The following PRRC2C variants were observed in gnomAD, a reference collection of about 807,000 sequenced individuals.
PRRC2C encodes proline rich coiled-coil 2C, also known as protein PRRC2C.
A neutral mutation model predicts 317.2 loss-of-function variants in PRRC2C; 72 were observed. The observed-to-expected ratio is 0.23, with a 90% confidence interval of 0.19 to 0.28. PRRC2C has a LOEUF of 0.28. PRRC2C is among the 10% of genes least tolerant of loss of function. The pLI, the probability that PRRC2C is intolerant of heterozygous loss-of-function variation, is 1.00. For missense variants in PRRC2C, 3,074 were observed against 3,459.7 expected, an observed-to-expected ratio of 0.89 and a Z score of 2.80; for synonymous variants, 1,296 against 1,205.9, an observed-to-expected ratio of 1.07 and a Z score of -1.55.
intron 10 of PRRC2C, among the ~76,000 whole-genome samples, chr1:171,527,539 T>G (rs918366656): frequency 6.6e-6 from 1 of 150,864 alleles, no homozygotes; most frequent in African/African-American, 2.4e-5. Flanking sequence ...GGCAGATCAC[T>G]TGACATCAGG....
chr1:171,566,787 A>G lies in PRRC2C; in HGVS notation c.6502A>G (p.Thr2168Ala), dbSNP rs114645561. ...KETKAVSEMS[T>A]EIGTMISVSS... ...GACTAAAGCAGTCTCAGAAATGTCT[A>G]CTGAAATAGGAACAATGATCTCGGT... The change falls in exon 22 of 35, where the codon ACT becomes GCT. Residue 2168 changes from threonine (T) to alanine (A), a missense_variant. Thr to Ala is a moderately conservative substitution (Grantham distance 58). Transcript: ENST00000647382. 3.3e-3 allele frequency: 5,289 copies of G among 1,613,860 alleles called. 33 individuals are homozygous for G. The highest frequency in any genetic ancestry group is 2.6e-3 in the Non-Finnish European group (3,124 of 1,179,836).
At chr1:171,491,108 C>T (rs564304740) in intron 1 of PRRC2C, among the ~76,000 whole-genome samples, 13 of 151,686 alleles carry the variant, frequency 8.6e-5, no homozygotes, top group Admixed American at 5.3e-4. Context: ...AAGAGAACCA[C>T]GAAAAGGGAA....
At chr1:171,545,356 GTTAAGAGT>G in intron 16 of PRRC2C, 115 bp from the exon 17 acceptor site, 1 of 795,372 alleles carries the variant, frequency 1.3e-6, no homozygotes, top group Non-Finnish European at 1.9e-6. Flanking sequence ...TTTGGTTACA[GTTAAGAGT>G]TTTCTATCCC....
At position 171,545,510 on chromosome 1, in the gene PRRC2C, G is replaced by A; in HGVS notation, c.4795G>A (p.Gly1599Arg). The A allele has an allele frequency of 6.3e-7, 1 of 1,580,182 alleles. No individual in the cohort carries two copies. The highest frequency in any genetic ancestry group is 8.6e-7 in the Non-Finnish European group (1 of 1,162,592). ...TGATGACCAGCCTGCAGGCACAACT[G>A]GGGTTGACCTCATCAATGGCAGCTC... Reference protein sequence around the residue: ...PFDDQPAGTTGVDLINGSSAH... With the variant: ...PFDDQPAGTTRVDLINGSSAH... Residue 1599 changes from glycine (G) to arginine (R), a missense_variant, in exon 17 of 35, where the codon GGG (glycine) becomes AGG (arginine). By Grantham distance (125) the Gly-to-Arg change is moderately radical (BLOSUM62 -2). Transcript: ENST00000647382.
chr1:171,528,584 C>T (rs1012157230), intron 11 of PRRC2C, among the ~76,000 whole-genome samples: 2 of 152,198 alleles, frequency 1.3e-5, no homozygotes, highest in African/African-American at 4.8e-5. Context: ...AGCCACCGCG[C>T]CCGGCCAATG....
At chr1:171,575,287 A>T (rs1685512014) in intron 25 of PRRC2C, among the ~76,000 whole-genome samples, 159 bp downstream of exon 25, 1 of 152,164 alleles carries the variant, frequency 6.6e-6, no homozygotes, top group East Asian at 1.9e-4. Context: ...GAGCCACCAC[A>T]TGTGGCCAGT....
intron 18 of PRRC2C, among the ~76,000 whole-genome samples, chr1:171,551,898 T>G (rs1680317744): frequency 6.6e-6 from 1 of 152,250 alleles, no homozygotes; most frequent in African/African-American, 2.4e-5. Context: ...GGTAGCATGA[T>G]GCCTCCAGCT....
intron 24 of PRRC2C, among the ~76,000 whole-genome samples, chr1:171,573,413 C>T (rs1294615199): frequency 6.6e-6 from 1 of 152,044 alleles, no homozygotes; most frequent in African/African-American, 2.4e-5. Flanking sequence ...TGCCGTAAAC[C>T]ACAAAATCTC....
chr1:171,588,709 C>T (rs1361920547), intron 33 of PRRC2C, among the ~76,000 whole-genome samples: 1 of 152,116 alleles, frequency 6.6e-6, no homozygotes, highest in Non-Finnish European at 1.5e-5. Flanking sequence ...CTAAAGCAGA[C>T]AAGAGAAATA....
chr1:171,527,188 A>G (rs1320911534), intron 10 of PRRC2C, among the ~76,000 whole-genome samples: 1 of 151,706 alleles, frequency 6.6e-6, no homozygotes, highest in Middle Eastern at 3.2e-3. Flanking sequence ...GCTGGAGTGC[A>G]GTAGCATGAT....
chr1:171,579,756 A>C (rs1294691498), intron 27 of PRRC2C, 72 bp from the exon 28 acceptor site: 1 of 1,444,762 alleles, frequency 6.9e-7, no homozygotes, highest in Non-Finnish European at 9.2e-7. Context: ...TCAAATTTTT[A>C]TATTCCAGTG....
At chr1:171,488,426 G>T (rs1233284942) in intron 1 of PRRC2C, among the ~76,000 whole-genome samples, 6 of 152,120 alleles carry the variant, frequency 3.9e-5, no homozygotes, top group Non-Finnish European at 7.4e-5. Flanking sequence ...TAAATTCCTC[G>T]CTAATCTCAT....
intron 10 of PRRC2C, among the ~76,000 whole-genome samples, chr1:171,526,700 TA>T (rs1396356623): frequency 6.6e-6 from 1 of 151,576 alleles, no homozygotes; most frequent in African/African-American, 2.4e-5. Context: ...AGTGATTGCA[TA>T]AAAGTAATCT....
intron 24 of PRRC2C, among the ~76,000 whole-genome samples, chr1:171,572,190 A>G (rs899093031): frequency 2.0e-5 from 3 of 152,094 alleles, no homozygotes; most frequent in Non-Finnish European, 4.4e-5. Flanking sequence ...GGGTTTTGCC[A>G]TGTTGCCCAG....
intron 30 of PRRC2C, among the ~76,000 whole-genome samples, 186 bp downstream of exon 30, chr1:171,584,712 C>T (rs235496): frequency 0.8 from 121,610 of 152,090 alleles, 48,773 homozygotes; most frequent in Middle Eastern, 0.89. Context: ...ATGACACCCC[C>T]CTTCTCACCA....
At chr1:171,576,844 A>ATGCCCAACTAATTTTT (rs1685778396) in intron 25 of PRRC2C, among the ~76,000 whole-genome samples, 1 of 151,984 alleles carries the variant, frequency 6.6e-6, no homozygotes, top group Non-Finnish European at 1.5e-5. Context: ...AGGCACCACC[A>ATGCCCAACTAATTTTT]TGCCCAACTA....
At chr1:171,590,383 C>T (rs1558065629) in intron 34 of PRRC2C, among the ~76,000 whole-genome samples, 2 of 152,046 alleles carry the variant, frequency 1.3e-5, no homozygotes, top group East Asian at 1.9e-4. Context: ...CAGTTGAATC[C>T]GTTTATTTCT....
At chr1:171,588,113 CA>C (rs1204002814) in intron 32 of PRRC2C, among the ~76,000 whole-genome samples, 1 of 152,076 alleles carries the variant, frequency 6.6e-6, no homozygotes, top group Non-Finnish European at 1.5e-5. Context: ...GCTGGGACTA[CA>C]TACACGTGCC....
In PRRC2C at chr1:171,515,874, T is replaced by A; in HGVS notation, c.526+15T>A. The A allele has an allele frequency of 6.4e-7, 1 of 1,573,432 alleles. No homozygotes were observed. The highest frequency in any genetic ancestry group is 1.2e-5 in the South Asian group (1 of 84,596). On this transcript the variant is annotated intron_variant, in intron 5 of 34. Coordinates refer to ENST00000647382, the MANE Select transcript of PRRC2C (RefSeq NM_001387844.1). ...ACGTCCACCAAGTAAGAGTACTTTC[T>A]CTTTAATACAAAATGAGATCATATT...
Sources: allele counts gnomAD v4.1 joint callset (sites outside exome capture counted in the v4.1 genomes callset), GRCh38; gene constraint gnomAD v4.1.1; transcripts MANE v1.5; gene names NCBI Gene and HGNC (gene_info 2026-07-23, HGNC 2026-07-21).